ATP8A2: variants seen among roughly 807,000 people sequenced by gnomAD.
ATP8A2 encodes ATPase phospholipid transporting 8A2.
ATP8A2 carries 100 observed loss-of-function variants against 165.6 expected under a neutral mutation model. The observed-to-expected ratio is 0.60, with a 90% CI of 0.51 to 0.71. The LOEUF (loss-of-function observed/expected upper bound fraction) is 0.71. Among genes scored for constraint, ATP8A2 ranks in the 30% least tolerant of loss-of-function variants. The pLI is 0.00. For missense variants in ATP8A2, 1,227 were observed against 1,479.5 expected (o/e 0.83, Z 2.80); for synonymous variants, 543 against 548.8 (o/e 0.99, Z 0.15).
At chr13:25,856,023 A>G (rs534824220) in intron 30 of ATP8A2, among the ~76,000 whole-genome samples, 4 of 152,292 alleles carry the variant, frequency 2.6e-5, no homozygotes, top group Admixed American at 2.6e-4. Flanking sequence ...TTGAGTTGTA[A>G]GAGCTCTTTG....
chr13:25,433,134 A>G (rs2034661575), intron 1 of ATP8A2, among the ~76,000 whole-genome samples: 1 of 152,222 alleles, frequency 6.6e-6, no homozygotes. Flanking sequence ...TTCCACGATC[A>G]CAGGTCAAAG....
chr13:25,924,918 C>T (rs906131066), intron 33 of ATP8A2, among the ~76,000 whole-genome samples: 21 of 152,326 alleles, frequency 1.4e-4, no homozygotes, highest in South Asian at 2.1e-4. Flanking sequence ...GCCTTTGCTC[C>T]TCCTTTGCCT....
intron 27 of ATP8A2, among the ~76,000 whole-genome samples, chr13:25,791,596 C>A (rs1181692690): frequency 6.7e-6 from 1 of 149,830 alleles, no homozygotes; most frequent in African/African-American, 2.5e-5. Flanking sequence ...TCCTACTAAG[C>A]AGTCCACTCT....
chr13:25,582,815 T>A (rs561667273), intron 23 of ATP8A2, among the ~76,000 whole-genome samples: 65 of 152,340 alleles, frequency 4.3e-4, no homozygotes, highest in African/African-American at 1.5e-3. Context: ...TTGAATCAGC[T>A]TTGTCTCTCA....
chr13:25,465,711 C>CCTTCT (rs2035630257), intron 1 of ATP8A2, among the ~76,000 whole-genome samples: 1 of 21,380 alleles, frequency 4.7e-5, no homozygotes, highest in African/African-American at 1.3e-4. Context: ...TTCTTTCTTT[C>CCTTCT]TTTCTTTCTT....
At chr13:25,769,258 G>A in intron 26 of ATP8A2, 29 bp downstream of exon 26, 1 of 1,587,882 alleles carries the variant, frequency 6.3e-7, no homozygotes, top group Non-Finnish European at 8.6e-7. Context: ...CAGCTGCCCT[G>A]TCCTGTTGAG....
chr13:25,997,380 G>T (rs763700630), intron 35 of ATP8A2, among the ~76,000 whole-genome samples: 5 of 152,148 alleles, frequency 3.3e-5, no homozygotes, highest in Admixed American at 6.5e-5. Flanking sequence ...AATCTTTGTC[G>T]TTGGTTTTTG....
intron 1 of ATP8A2, among the ~76,000 whole-genome samples, chr13:25,462,543 C>G (rs546665225): frequency 2.0e-5 from 3 of 152,284 alleles, no homozygotes; most frequent in Non-Finnish European, 4.4e-5. Flanking sequence ...AATCACCAAC[C>G]TGGGAGGCTC....
At chr13:25,549,494 A>G (rs992005239) in intron 10 of ATP8A2, among the ~76,000 whole-genome samples, 1 of 149,636 alleles carries the variant, frequency 6.7e-6, no homozygotes. Flanking sequence ...CCCATGATTC[A>G]TGGAAGGAGA....
At chr13:25,632,353 G>A (rs1229467943) in intron 24 of ATP8A2, among the ~76,000 whole-genome samples, 1 of 152,078 alleles carries the variant, frequency 6.6e-6, no homozygotes, top group African/African-American at 2.4e-5. Flanking sequence ...GGTGGGGCTG[G>A]AAGTCCCAAC....
intron 24 of ATP8A2, among the ~76,000 whole-genome samples, chr13:25,597,861 T>C (rs1209826316): frequency 1.3e-5 from 2 of 152,202 alleles, no homozygotes; most frequent in Non-Finnish European, 2.9e-5. Flanking sequence ...TTTTTTGTTT[T>C]TTTTTTTAAT....
At chr13:25,611,447 T>C (rs1317277182) in intron 24 of ATP8A2, among the ~76,000 whole-genome samples, 2 of 152,164 alleles carry the variant, frequency 1.3e-5, no homozygotes, top group African/African-American at 4.8e-5. Flanking sequence ...TGTATCACAT[T>C]TATTAACTTC....
At chr13:25,845,565 C>T (rs1056946976) in intron 30 of ATP8A2, among the ~76,000 whole-genome samples, 1 of 152,074 alleles carries the variant, frequency 6.6e-6, no homozygotes, top group African/African-American at 2.4e-5. Context: ...CTGGGCCTTT[C>T]GACATTTTTG....
intron 24 of ATP8A2, among the ~76,000 whole-genome samples, chr13:25,654,491 G>A (rs2041883677): frequency 6.6e-6 from 1 of 152,228 alleles, no homozygotes; most frequent in African/African-American, 2.4e-5. Context: ...ACAGGCGTGA[G>A]CCACTGTGCC....
At chr13:25,775,527 G>A (rs1446605002) in intron 27 of ATP8A2, among the ~76,000 whole-genome samples, 2 of 152,206 alleles carry the variant, frequency 1.3e-5, no homozygotes, top group East Asian at 3.9e-4. Context: ...CAATATTGCA[G>A]TGAGTTCATA....
rs564199294 is a variant in ATP8A2 at position 25,733,489 on chromosome 13, G to A, written c.2384+34144G>A. Reference sequence around the variant, plus strand: ...GTGCTCTGTGTACATTTTTTGCAAGGTCCAATAGGCCATAAATGACAAAAA... The same window carrying A: ...GTGCTCTGTGTACATTTTTTGCAAGATCCAATAGGCCATAAATGACAAAAA... On this transcript the variant is annotated intron_variant, in intron 25 of 36. Transcript: ENST00000381655. Among the ~76,000 whole-genome samples, 30 of 150,950 alleles carry A rather than the reference G, an allele frequency of 2.0e-4. No homozygotes were observed. The South Asian group carries it at 4.9e-3, about 25-fold the overall frequency.
intron 19 of ATP8A2, among the ~76,000 whole-genome samples, chr13:25,575,642 A>T (rs2039595105): frequency 6.6e-6 from 1 of 152,154 alleles, no homozygotes; most frequent in Admixed American, 6.5e-5. Flanking sequence ...TTGTGTAGGA[A>T]ATACTTTCCA....
intron 2 of ATP8A2, among the ~76,000 whole-genome samples, chr13:25,502,916 G>A (rs563677773): frequency 3.5e-4 from 54 of 152,136 alleles, no homozygotes; most frequent in Non-Finnish European, 6.8e-4. Flanking sequence ...ATTTTAAGAG[G>A]CATTGTCAAA....
chr13:25,610,330 T>G (rs903559426), intron 24 of ATP8A2, among the ~76,000 whole-genome samples: 7 of 152,186 alleles, frequency 4.6e-5, no homozygotes, highest in Admixed American at 2.6e-4. Flanking sequence ...TTCTTCTACA[T>G]GTGGCTTGTC....
Sources: gnomAD v4.1 joint callset for allele counts (sites outside exome capture counted in the v4.1 genomes callset) on GRCh38, gnomAD v4.1.1 for gene constraint, MANE v1.5 for transcripts, NCBI Gene and HGNC (gene_info 2026-07-23, HGNC 2026-07-21) for gene names.